The following HS3ST5 variants were observed in gnomAD, a reference collection of about 807,000 sequenced individuals.
HS3ST5 encodes the protein heparan sulfate-glucosamine 3-sulfotransferase 5, also known as heparan sulfate glucosamine 3-O-sulfotransferase 5.
In HS3ST5, 10 loss-of-function variants were observed where a neutral mutation model predicts 25.4. That is an observed-to-expected ratio of 0.39 (90% CI 0.24 to 0.67). HS3ST5 has a LOEUF of 0.67. Ranked by LOEUF, HS3ST5 falls within the 30% of genes least tolerant of loss-of-function variation. HS3ST5 has a pLI of 0.44. For synonymous variants in HS3ST5, 170 were observed against 162.4 expected, an observed-to-expected ratio of 1.05 and a Z score of -0.36; for missense variants, 324 against 420.7, an observed-to-expected ratio of 0.77 and a Z score of 2.01.
intron 3 of HS3ST5, among the ~76,000 whole-genome samples, chr6:114,153,957 A>G (rs953296374): frequency 1.1e-4 from 16 of 152,146 alleles, no homozygotes; most frequent in African/African-American, 3.6e-4. Context: ...AGGGTTATCA[A>G]GGGGGCTCAG....
intron 2 of HS3ST5, among the ~76,000 whole-genome samples, chr6:114,169,847 A>T (rs879763422): frequency 1.3e-5 from 2 of 152,200 alleles, no homozygotes; most frequent in Non-Finnish European, 2.9e-5. Flanking sequence ...GAAAAATGTG[A>T]CAATCAGTAA....
chr6:114,100,863 G>A (rs564908769), intron 3 of HS3ST5, among the ~76,000 whole-genome samples: 19 of 152,162 alleles, frequency 1.2e-4, no homozygotes, highest in Non-Finnish European at 2.1e-4. Context: ...CTATAGGTAC[G>A]ATCTCACAGT....
In HS3ST5 at chr6:114,173,260, A is replaced by C. The variant is rs147601784; in HGVS notation, c.-144-4798T>G. On this transcript the variant is annotated intron_variant, in intron 2 of 4. Transcript: ENST00000312719. ...ATCCACTCTTTTAATGTAATGCTAC[A>C]ATCTATTTTATATTCTCGATTTTGC... 2.0e-5 allele frequency among the ~76,000 whole-genome samples: 3 copies of C among 152,336 alleles called. 1 individual carries two copies. The highest frequency in any genetic ancestry group is 4.4e-5 in the Non-Finnish European group (3 of 68,028).
intron 1 of HS3ST5, among the ~76,000 whole-genome samples, chr6:114,245,857 A>G (rs1772355373): frequency 6.6e-6 from 1 of 152,204 alleles, no homozygotes; most frequent in South Asian, 2.1e-4. Context: ...TACATGTGGG[A>G]CCCAAACCCG....
At chr6:114,270,972 CTTA>C (rs1488278880) in intron 1 of HS3ST5, among the ~76,000 whole-genome samples, 12 of 151,704 alleles carry the variant, frequency 7.9e-5, no homozygotes, top group African/African-American at 2.7e-4. Context: ...CCCAAGTAGA[CTTA>C]TTATAATAGG....
intron 3 of HS3ST5, among the ~76,000 whole-genome samples, chr6:114,147,856 C>T (rs1200152932): frequency 6.6e-6 from 1 of 152,160 alleles, no homozygotes; most frequent in Non-Finnish European, 1.5e-5. Flanking sequence ...GCTGGGATTA[C>T]AGCCATGAGC....
intron 1 of HS3ST5, among the ~76,000 whole-genome samples, chr6:114,264,860 A>G (rs1773334874): frequency 2.0e-5 from 3 of 152,128 alleles, no homozygotes; most frequent in Non-Finnish European, 2.9e-5. Context: ...AAGTCAGCAA[A>G]GAATACAGAG....
chr6:114,232,068 C>T (rs938878954), intron 1 of HS3ST5, among the ~76,000 whole-genome samples: 1 of 152,120 alleles, frequency 6.6e-6, no homozygotes, highest in South Asian at 2.1e-4. Context: ...TTAAAAATAT[C>T]TTTTCTATTT....
intron 3 of HS3ST5, among the ~76,000 whole-genome samples, chr6:114,157,647 C>T (rs1387152134): frequency 1.3e-5 from 2 of 152,114 alleles, no homozygotes; most frequent in African/African-American, 2.4e-5. Context: ...AATCATTTCA[C>T]AATGTATACA....
intron 3 of HS3ST5, among the ~76,000 whole-genome samples, chr6:114,113,928 G>A (rs1248218515): frequency 2.0e-5 from 3 of 151,868 alleles, no homozygotes; most frequent in African/African-American, 4.8e-5. Context: ...AATCAGGCTG[G>A]CCAGCTGCAG....
At chr6:114,195,924 G>A (rs1221406088) in intron 2 of HS3ST5, among the ~76,000 whole-genome samples, 1 of 152,120 alleles carries the variant, frequency 6.6e-6, no homozygotes, top group African/African-American at 2.4e-5. Context: ...ACAGTAAGGG[G>A]AGCAAAGCAA....
intron 1 of HS3ST5, among the ~76,000 whole-genome samples, chr6:114,313,123 GA>G (rs1169148636): frequency 1.4e-5 from 2 of 138,036 alleles, no homozygotes; most frequent in Non-Finnish European, 3.1e-5. Context: ...TCAGAGAAAT[GA>G]AACTTAAAAC....
At chr6:114,248,761 C>T (rs1260910832) in intron 1 of HS3ST5, among the ~76,000 whole-genome samples, 1 of 152,092 alleles carries the variant, frequency 6.6e-6, no homozygotes, top group Non-Finnish European at 1.5e-5. Context: ...AAGATAGAAG[C>T]ATAATTTTAG....
intron 1 of HS3ST5, among the ~76,000 whole-genome samples, chr6:114,298,522 A>AAC (rs1235266987): frequency 6.6e-6 from 1 of 152,206 alleles, no homozygotes; most frequent in Non-Finnish European, 1.5e-5. Flanking sequence ...TGAGAATTAA[A>AAC]ACACACACAA....
chr6:114,208,024 C>T (rs1438133117), intron 2 of HS3ST5, among the ~76,000 whole-genome samples: 1 of 152,136 alleles, frequency 6.6e-6, no homozygotes, highest in African/African-American at 2.4e-5. Flanking sequence ...ATATCACTCA[C>T]AAAAGTAGGG....
At chr6:114,279,240 T>C (rs776931404) in intron 1 of HS3ST5, among the ~76,000 whole-genome samples, 2 of 152,044 alleles carry the variant, frequency 1.3e-5, no homozygotes, top group African/African-American at 2.4e-5. Flanking sequence ...TTTCTGTCTG[T>C]ACAAGCAAAA....
chr6:114,070,405 G>T (rs1016771178), intron 3 of HS3ST5, among the ~76,000 whole-genome samples: 1 of 152,064 alleles, frequency 6.6e-6, no homozygotes, highest in Non-Finnish European at 1.5e-5. Context: ...CAATTATAAT[G>T]AAAGGTCATG....
intron 3 of HS3ST5, among the ~76,000 whole-genome samples, chr6:114,099,224 T>C (rs1582599006): frequency 6.6e-6 from 1 of 152,256 alleles, no homozygotes; most frequent in Middle Eastern, 3.4e-3. Flanking sequence ...GCCAGCAAGC[T>C]ACACCTGTTT....
chr6:114,167,562 A>G (rs896506367), intron 3 of HS3ST5: 15 of 152,176 alleles, frequency 9.9e-5, no homozygotes, highest in Non-Finnish European at 2.9e-5. Flanking sequence ...TAATTGGCTG[A>G]GCAGGATCTC....
Sources: allele counts gnomAD v4.1 joint callset (sites outside exome capture counted in the v4.1 genomes callset), GRCh38; gene constraint gnomAD v4.1.1; transcripts MANE v1.5; gene names NCBI Gene and HGNC (gene_info 2026-07-23, HGNC 2026-07-21).